Variants in FRMD7 observed in about 807,000 individuals in gnomAD.
FRMD7 encodes the protein FERM domain-containing protein 7.
In FRMD7, 14 loss-of-function variants were observed where a neutral mutation model predicts 44.1. The ratio of observed to expected loss-of-function variants is 0.32; its 90% CI spans 0.21 to 0.50. The LOEUF is 0.50. Ranked by LOEUF, FRMD7 falls within the 20% of genes least tolerant of loss-of-function variation. FRMD7 has a pLI of 0.99. For missense variants in FRMD7, 501 were observed against 522.3 expected (o/e 0.96, Z 0.40); for synonymous variants, 212 against 187.4 (o/e 1.13, Z -1.07).
At chrX:132,084,359 G>A in intron 8 of FRMD7, 131 bp downstream of exon 8, 3 of 508,009 alleles carry the variant, frequency 5.9e-6, no homozygotes, top group Non-Finnish European at 1.1e-5. Flanking sequence ...TTTCTTCAAA[G>A]GCAAAAGAAA....
chrX:132,085,888 G>C lies in FRMD7; in HGVS notation c.497+32C>G. ...GTCCCCAATTTTAGTGTTCTCTACT[G>C]GGGGAAGCAGGTGCCAGCTGAAAGT... On this transcript the variant is annotated intron_variant, in intron 6 of 11. Coordinates refer to ENST00000298542, the MANE Select transcript of FRMD7 (RefSeq NM_194277.3). The C allele has an allele frequency of 6.7e-6, 7 of 1,045,901 alleles. No homozygotes were observed. In the South Asian group the frequency reaches 1.3e-4, roughly 20 times the overall value. The allele number at this position is 1,045,901 out of a possible 1,213,427, so 86.2% of individuals were successfully genotyped here.
intron 5 of FRMD7, among the ~76,000 whole-genome samples, chrX:132,093,694 C>T (rs1419050649): frequency 1.8e-5 from 2 of 112,430 alleles, no homozygotes; most frequent in African/African-American, 3.2e-5. Context: ...AGAGAATTAT[C>T]CTGGGGTAAG....
At chrX:132,103,692 C>T (rs760536306) in intron 1 of FRMD7, among the ~76,000 whole-genome samples, 1 of 112,142 alleles carries the variant, frequency 8.9e-6, no homozygotes, top group Non-Finnish European at 1.9e-5. Context: ...ACCAAATTTT[C>T]TGTGCACCAA....
intron 3 of FRMD7, among the ~76,000 whole-genome samples, chrX:132,097,941 A>T (rs1928390714): frequency 8.9e-6 from 1 of 112,648 alleles, no homozygotes; most frequent in Admixed American, 9.4e-5. Flanking sequence ...ATTATCTGCA[A>T]AGCAGGTATT....
In FRMD7 at chrX:132,078,572, G is replaced by A; in HGVS notation, c.1445C>T (p.Pro482Leu). 8.3e-7 allele frequency: 1 copy of A among 1,211,613 alleles called. No homozygotes were observed. Among genetic ancestry groups the A allele is most frequent in the Non-Finnish European group, 1.1e-6 (1 of 895,367 alleles). Residue 482 changes from proline to leucine, a missense_variant, in exon 12 of 12, where the codon CCT becomes CTT. This residue lies in a region of FRMD7 where 453 missense variants were observed against 452.7 expected (regional missense o/e 1.00). Coordinates refer to ENST00000298542, the MANE Select transcript of FRMD7 (RefSeq NM_194277.3). The part of the protein sequence containing the change: ...QLTYTDVPYI[P>L]CTGQQVGIMP... ...AATACCAACCTGCTGACCTGTACAA[G>A]GAATATAGGGCACATCCGTGTAAGT...
Position 132,122,658 on chromosome X carries a change from G to T in FRMD7, c.57+5130C>A, listed in dbSNP as rs761169044. On this transcript the variant is annotated intron_variant, in intron 1 of 11. Coordinates refer to ENST00000298542, the MANE Select transcript of FRMD7 (RefSeq NM_194277.3). ...ACGAAGTTCAGAACCCTAGTAGGCTGCAATATCGATGTTTGGGCATATGTG... is the reference window on the plus strand; with the variant it reads ...ACGAAGTTCAGAACCCTAGTAGGCTTCAATATCGATGTTTGGGCATATGTG... 6.7e-4 allele frequency among the ~76,000 whole-genome samples: 75 copies of T among 112,170 alleles called. 1 individual carries two copies. Among genetic ancestry groups the T allele is most frequent in the Non-Finnish European group, 1.2e-3 (66 of 53,244 alleles).
At chrX:132,095,283 C>T (rs768257431) in intron 4 of FRMD7, among the ~76,000 whole-genome samples, 10 of 109,106 alleles carry the variant, frequency 9.2e-5, no homozygotes, top group Non-Finnish European at 1.5e-4. Context: ...TTAGTAGATA[C>T]GAGGTTTCAC....
intron 1 of FRMD7, among the ~76,000 whole-genome samples, chrX:132,126,783 C>G (rs757426737): frequency 8.1e-5 from 9 of 111,704 alleles, no homozygotes; most frequent in Non-Finnish European, 1.7e-4. Context: ...CATTCAGGTC[C>G]GTGGAACTAG....
intron 1 of FRMD7, 44 bp from the exon 2 acceptor site, chrX:132,100,760 C>A (rs749553314): frequency 1.1e-6 from 1 of 900,199 alleles, no homozygotes; most frequent in Admixed American, 2.2e-5. Context: ...CATTCCTAAC[C>A]TGATACTGCA....
chrX:132,100,241 C>T (rs942996444), intron 2 of FRMD7, among the ~76,000 whole-genome samples: 3 of 111,810 alleles, frequency 2.7e-5, no homozygotes, highest in African/African-American at 9.8e-5. Context: ...AAGCAATTCT[C>T]CTGCCTCAGC....
chrX:132,100,759 C>A, intron 1 of FRMD7, 43 bp from the exon 2 acceptor site: 1 of 899,504 alleles, frequency 1.1e-6, no homozygotes, highest in Non-Finnish European at 1.6e-6. Context: ...GCATTCCTAA[C>A]CTGATACTGC....
At chrX:132,087,655 A>G (rs1928036414) in intron 5 of FRMD7, among the ~76,000 whole-genome samples, 1 of 111,007 alleles carries the variant, frequency 9.0e-6, no homozygotes, top group Admixed American at 9.6e-5. Flanking sequence ...TTCTTCACAA[A>G]CTCTCCCAGA....
At chrX:132,092,703 T>C (rs1328484801) in intron 5 of FRMD7, among the ~76,000 whole-genome samples, 2 of 111,894 alleles carry the variant, frequency 1.8e-5, no homozygotes, top group Non-Finnish European at 3.8e-5. Flanking sequence ...AGAGACTGCC[T>C]GGGAGCCCCA....
intron 1 of FRMD7, among the ~76,000 whole-genome samples, chrX:132,105,935 TG>T (rs142642150): frequency 0.16 from 17,655 of 111,144 alleles, 1,199 homozygotes; most frequent in African/African-American, 0.24. Flanking sequence ...AACACCATCC[TG>T]GACATAGGAA....
intron 5 of FRMD7, among the ~76,000 whole-genome samples, chrX:132,087,979 G>T (rs1224082315): frequency 2.7e-5 from 3 of 111,356 alleles, no homozygotes; most frequent in Non-Finnish European, 3.8e-5. Flanking sequence ...TCAAGAGATG[G>T]AGAAAAAGCA....
chrX:132,101,698 C>G (rs1030523385), intron 1 of FRMD7, among the ~76,000 whole-genome samples: 12 of 112,304 alleles, frequency 1.1e-4, no homozygotes, highest in Non-Finnish European at 7.5e-5. Flanking sequence ...AATCTGCATA[C>G]AGCATACTCT....
chrX:132,122,386 A>G (rs945284028), intron 1 of FRMD7, among the ~76,000 whole-genome samples: 1 of 111,898 alleles, frequency 8.9e-6, no homozygotes, highest in African/African-American at 3.2e-5. Context: ...TTTTCCTTCC[A>G]TAATCCCATC....
At chrX:132,112,467 G>T (rs899448000) in intron 1 of FRMD7, among the ~76,000 whole-genome samples, 1 of 111,834 alleles carries the variant, frequency 8.9e-6, no homozygotes, top group Non-Finnish European at 1.9e-5. Context: ...AGCACAGTTT[G>T]ACTGGGTACT....
intron 5 of FRMD7, among the ~76,000 whole-genome samples, chrX:132,088,519 C>G (rs904200372): frequency 1.9e-5 from 2 of 106,008 alleles, no homozygotes; most frequent in South Asian, 4.2e-4. Flanking sequence ...GGCCGTGCCA[C>G]TGCACTCCAG....
Sources: gnomAD v4.1 joint callset for allele counts (sites outside exome capture counted in the v4.1 genomes callset) on GRCh38, gnomAD v4.1.1 for gene constraint, gnomAD v4.1.1 regional missense constraint, MANE v1.5 for transcripts, NCBI Gene and HGNC (gene_info 2026-07-23, HGNC 2026-07-21) for gene names.